Variants in CGGBP1 observed in about 807,000 individuals in gnomAD.
The protein encoded by CGGBP1 is CGG triplet repeat binding protein 1.
A neutral mutation model predicts 11.4 loss-of-function variants in CGGBP1; 4 were observed. The ratio of observed to expected loss-of-function variants is 0.35; its 90% CI spans 0.17 to 0.80. The LOEUF is 0.80. CGGBP1 is among the 30% of genes least tolerant of loss of function. CGGBP1 has a pLI of 0.52. For missense variants in CGGBP1, 135 were observed against 202.1 expected (o/e 0.67, Z 2.01); for synonymous variants, 76 against 74.1 (o/e 1.03, Z -0.13).
At chr3:88,095,652 CTCTGT>C (rs909332045) in intron 2 of CGGBP1, 144 of 486,764 alleles carry the variant, frequency 3.0e-4, no homozygotes, top group African/African-American at 2.3e-3. Context: ...AATATCATCA[CTCTGT>C]TCTCTTTTTT....
intron 2 of CGGBP1, among the ~76,000 whole-genome samples, chr3:88,110,766 C>T (rs1705041458): frequency 6.6e-6 from 1 of 152,072 alleles, no homozygotes; most frequent in African/African-American, 2.4e-5. Context: ...AGGTTGGAAA[C>T]AAGAGGTTTC....
intron 2 of CGGBP1, among the ~76,000 whole-genome samples, chr3:88,088,520 A>G (rs1325638907): frequency 6.6e-6 from 1 of 152,168 alleles, no homozygotes; most frequent in African/African-American, 2.4e-5. Context: ...TTAAGAAAAT[A>G]TGATGGTTAA....
At chr3:88,116,299 T>A (rs573535148) in intron 2 of CGGBP1, among the ~76,000 whole-genome samples, 1 of 152,158 alleles carries the variant, frequency 6.6e-6, no homozygotes, top group South Asian at 2.1e-4. Flanking sequence ...GGCGGGCAGA[T>A]CACCTGAGGG....
chr3:88,115,141 G>C (rs189215479), intron 2 of CGGBP1, among the ~76,000 whole-genome samples: 4 of 152,274 alleles, frequency 2.6e-5, no homozygotes, highest in Non-Finnish European at 5.9e-5. Context: ...TTAAAATTTA[G>C]ATTATGAATC....
chr3:88,089,922 A>G (rs1708544202), intron 2 of CGGBP1, among the ~76,000 whole-genome samples: 1 of 152,222 alleles, frequency 6.6e-6, no homozygotes, highest in Non-Finnish European at 1.5e-5. Flanking sequence ...AATGGAGCTG[A>G]AAAATTCCTA....
intron 2 of CGGBP1, among the ~76,000 whole-genome samples, chr3:88,130,386 AAATT>A (rs1401299761): frequency 6.6e-6 from 1 of 152,148 alleles, no homozygotes; most frequent in Non-Finnish European, 1.5e-5. Context: ...ATTCTCAATT[AAATT>A]AATAGCTTGA....
At chr3:88,135,003 A>G in intron 2 of CGGBP1, 1 of 1,181,444 alleles carries the variant, frequency 8.5e-7, no homozygotes, top group Non-Finnish European at 1.1e-6. Flanking sequence ...AAAGATAGCT[A>G]ATGTCTGTAT....
intron 2 of CGGBP1, chr3:88,139,663 C>T: frequency 6.2e-7 from 1 of 1,609,900 alleles, no homozygotes; most frequent in Non-Finnish European, 8.5e-7. Flanking sequence ...ATTGAAATTC[C>T]CATAAGTGTA....
At chr3:88,105,494 T>G (rs2107735201) in intron 2 of CGGBP1, among the ~76,000 whole-genome samples, 1 of 152,326 alleles carries the variant, frequency 6.6e-6, no homozygotes, top group South Asian at 2.1e-4. Context: ...ATTAATATCC[T>G]TTTGGATACC....
rs779275938 is a variant in CGGBP1, at chr3:88,054,170, A to C, written c.*1303T>G. 4 of 152,606 alleles carry C rather than the reference A, an allele frequency of 2.6e-5. No individual in the cohort carries two copies. The highest frequency in any genetic ancestry group is 2.6e-4 in the Admixed American group (4 of 15,280). 9.5% of individuals were successfully genotyped at this position (152,606 alleles called of 1,614,324 possible). On this transcript the variant is annotated 3_prime_UTR_variant, in exon 4 of 4. Coordinates refer to ENST00000482016, the MANE Select transcript of CGGBP1 (RefSeq NM_001008390.2). ...TCACTGCTTTGTAATAGAAATATAT[A>C]AGTATTTTTAACTTGAATTTCAAAG...
At chr3:88,086,429 G>T in intron 2 of CGGBP1, 1 of 1,440,224 alleles carries the variant, frequency 6.9e-7, no homozygotes, top group East Asian at 2.6e-5. Context: ...TCTTATAAAT[G>T]CATTATTTTT....
intron 2 of CGGBP1, among the ~76,000 whole-genome samples, chr3:88,074,782 C>T (rs539066416): frequency 1.3e-5 from 2 of 152,178 alleles, no homozygotes; most frequent in East Asian, 1.9e-4. Flanking sequence ...ATTACTTTTG[C>T]CAGTAAAAAT....
chr3:88,144,980 G>T (rs1707283114), intron 1 of CGGBP1, among the ~76,000 whole-genome samples: 1 of 151,962 alleles, frequency 6.6e-6, no homozygotes, highest in African/African-American at 2.4e-5. Context: ...AACTTAGTAG[G>T]TGTCGGAACT....
At chr3:88,064,065 A>T (rs1389773769) in intron 2 of CGGBP1, among the ~76,000 whole-genome samples, 2 of 150,792 alleles carry the variant, frequency 1.3e-5, no homozygotes, top group African/African-American at 2.4e-5. Flanking sequence ...TTCTGTCAGT[A>T]TGGAAGAAAA....
At chr3:88,143,501 T>G (rs774063350) in intron 1 of CGGBP1, 2 of 152,326 alleles carry the variant, frequency 1.3e-5, no homozygotes, top group African/African-American at 4.8e-5. Context: ...AAAGTCTGTT[T>G]GGAAACTGGT....
chr3:88,081,405 A>T (rs1708068861), intron 2 of CGGBP1, among the ~76,000 whole-genome samples: 1 of 151,962 alleles, frequency 6.6e-6, no homozygotes, highest in Non-Finnish European at 1.5e-5. Context: ...TTCTCCTCAA[A>T]TTTTCACTCA....
intron 2 of CGGBP1, among the ~76,000 whole-genome samples, chr3:88,127,159 C>T (rs1336406736): frequency 6.6e-6 from 1 of 151,926 alleles, no homozygotes; most frequent in East Asian, 1.9e-4. Flanking sequence ...TATGAGACAG[C>T]CAAGGGGAAA....
chr3:88,104,406 T>C (rs1227035828), intron 2 of CGGBP1, among the ~76,000 whole-genome samples: 1 of 152,200 alleles, frequency 6.6e-6, no homozygotes, highest in Non-Finnish European at 1.5e-5. Context: ...TTTGCTCTTG[T>C]AGCAAGAAAG....
intron 2 of CGGBP1, among the ~76,000 whole-genome samples, chr3:88,137,536 G>A (rs1001523555): frequency 6.6e-6 from 1 of 152,012 alleles, no homozygotes; most frequent in African/African-American, 2.4e-5. Flanking sequence ...TCACAGTTGG[G>A]GGGTGAGGAC....
Sources: allele counts gnomAD v4.1 joint callset (sites outside exome capture counted in the v4.1 genomes callset), GRCh38; gene constraint gnomAD v4.1.1; transcripts MANE v1.5; gene names NCBI Gene and HGNC (gene_info 2026-07-23, HGNC 2026-07-21).